CDH13: variants seen among roughly 807,000 people sequenced by gnomAD.
CDH13 encodes the protein cadherin 13, also known as cadherin-13.
Under a neutral mutation model 63.8 loss-of-function variants are expected in CDH13, and 24 were observed. The observed-to-expected ratio is 0.38, with a 90% CI of 0.27 to 0.53. The LOEUF (loss-of-function observed/expected upper bound fraction) is 0.53, where lower values mean the gene tolerates loss of function less well. Among genes scored for constraint, CDH13 ranks in the 20% least tolerant of loss-of-function variants. CDH13 has a pLI of 0.85. For synonymous variants in CDH13, 503 were observed against 355.3 expected, an observed-to-expected ratio of 1.42 and a Z score of -4.67; for missense variants, 1,049 against 903.1, an observed-to-expected ratio of 1.16 and a Z score of -2.07.
At chr16:83,615,866 A>C (rs950507934) in intron 8 of CDH13, among the ~76,000 whole-genome samples, 6 of 152,140 alleles carry the variant, frequency 3.9e-5, no homozygotes, top group African/African-American at 1.4e-4. Context: ...TTGCTGCAAA[A>C]CCGCCAACAC....
intron 2 of CDH13, among the ~76,000 whole-genome samples, chr16:82,999,622 G>A (rs1194362599): frequency 6.6e-6 from 1 of 152,108 alleles, no homozygotes; most frequent in African/African-American, 2.4e-5. Context: ...GCTGAAAATT[G>A]ATATCATTGG....
At chr16:83,261,639 C>T (rs960599074) in intron 5 of CDH13, among the ~76,000 whole-genome samples, 1 of 151,922 alleles carries the variant, frequency 6.6e-6, no homozygotes, top group East Asian at 1.9e-4. Flanking sequence ...ACAAATGTCA[C>T]TAGTGCCAAA....
chr16:82,680,690 A>G (rs1291916587), intron 1 of CDH13, among the ~76,000 whole-genome samples: 1 of 152,130 alleles, frequency 6.6e-6, no homozygotes, highest in Non-Finnish European at 1.5e-5. Context: ...TTAATAGACT[A>G]CTTACAAAAA....
intron 6 of CDH13, among the ~76,000 whole-genome samples, chr16:83,445,814 G>A (rs751310690): frequency 6.6e-5 from 10 of 152,012 alleles, no homozygotes; most frequent in Non-Finnish European, 1.3e-4. Flanking sequence ...AATATAACTC[G>A]GAGTTCCCAG....
At chr16:83,501,890 A>G (rs1396568776) in intron 7 of CDH13, among the ~76,000 whole-genome samples, 1 of 152,208 alleles carries the variant, frequency 6.6e-6, no homozygotes, top group Admixed American at 6.5e-5. Context: ...GGGGAGCTTG[A>G]TTGAGTTTCC....
At chr16:82,637,609 T>TC (rs902177620) in intron 1 of CDH13, 1 of 150,252 alleles carries the variant, frequency 6.7e-6, no homozygotes, top group African/African-American at 2.4e-5. Flanking sequence ...TTTTTTTTTT[T>TC]TGTATTTTTA....
At chr16:82,955,951 A>G (rs1388277944) in intron 2 of CDH13, among the ~76,000 whole-genome samples, 3 of 152,218 alleles carry the variant, frequency 2.0e-5, no homozygotes, top group Non-Finnish European at 4.4e-5. Context: ...AGTCTGTGTC[A>G]TCACTGACAT....
chr16:83,000,872 C>T (rs1409426201), intron 2 of CDH13, among the ~76,000 whole-genome samples: 1 of 152,306 alleles, frequency 6.6e-6, no homozygotes, highest in East Asian at 1.9e-4. Flanking sequence ...AGCCACCGCG[C>T]CTGGCCATTT....
intron 2 of CDH13, among the ~76,000 whole-genome samples, chr16:82,971,988 A>C (rs1574507): frequency 6.6e-6 from 1 of 152,110 alleles, no homozygotes; most frequent in East Asian, 1.9e-4. Flanking sequence ...AGGAAGTCCC[A>C]TTATTGCTGG....
intron 5 of CDH13, among the ~76,000 whole-genome samples, chr16:83,223,530 A>G (rs369094572): frequency 1.3e-5 from 2 of 152,176 alleles, no homozygotes; most frequent in East Asian, 3.9e-4. Context: ...TCTTCCTGCC[A>G]CTTTGCTCTG....
At chr16:83,429,857 A>G (rs1031678199) in intron 6 of CDH13, among the ~76,000 whole-genome samples, 17 of 152,206 alleles carry the variant, frequency 1.1e-4, no homozygotes, top group African/African-American at 4.1e-4. Context: ...TACACAAGCT[A>G]TCTGGAGCTT....
chr16:83,336,287 C>G (rs1220942788), intron 5 of CDH13, among the ~76,000 whole-genome samples: 4 of 120,352 alleles, frequency 3.3e-5, no homozygotes. Flanking sequence ...GGTGACAGAG[C>G]AAGACTCCAT....
intron 5 of CDH13, among the ~76,000 whole-genome samples, chr16:83,221,216 C>T (rs570655423): frequency 2.0e-5 from 3 of 152,194 alleles, no homozygotes; most frequent in South Asian, 2.1e-4. Context: ...CTCTGCTTAC[C>T]GGGGCTGGGA....
chr16:83,784,359 C>T (rs1396849888), intron 13 of CDH13, among the ~76,000 whole-genome samples: 2 of 152,002 alleles, frequency 1.3e-5, no homozygotes, highest in South Asian at 2.1e-4. Flanking sequence ...GGGCCAGGCA[C>T]GGTGGCTCAC....
chr16:83,236,991 A>G (rs2040163670), intron 5 of CDH13, among the ~76,000 whole-genome samples: 1 of 152,116 alleles, frequency 6.6e-6, no homozygotes, highest in South Asian at 2.1e-4. Context: ...AAAAAGAGGT[A>G]AGGGAGGCCA....
intron 6 of CDH13, among the ~76,000 whole-genome samples, chr16:83,408,307 T>C (rs1359928872): frequency 6.6e-6 from 1 of 152,138 alleles, no homozygotes; most frequent in Non-Finnish European, 1.5e-5. Context: ...CAGTCACGTG[T>C]CACTCAACAA....
At chr16:83,282,900 C>T (rs752836932) in intron 5 of CDH13, among the ~76,000 whole-genome samples, 2 of 152,114 alleles carry the variant, frequency 1.3e-5, no homozygotes, top group Non-Finnish European at 1.5e-5. Flanking sequence ...TAACATGTAA[C>T]CTCATCATGG....
At chr16:82,992,851 A>C (rs1911804943) in intron 2 of CDH13, among the ~76,000 whole-genome samples, 2 of 152,200 alleles carry the variant, frequency 1.3e-5, no homozygotes, top group African/African-American at 4.8e-5. Flanking sequence ...CTGAGATGAT[A>C]ATCAAATTAT....
Position 83,786,632 on chromosome 16 carries a change from G to A in CDH13, c.2134+3160G>A, listed in dbSNP as rs1022684656. 3.3e-5 allele frequency among the ~76,000 whole-genome samples: 5 copies of A among 151,794 alleles called. No homozygotes were observed. The East Asian group carries it at 5.8e-4, about 18-fold the overall frequency. ...AGACAGAGTCTCACTCTGTCGCCCA[G>A]GCTGAAGTACAGTGGCGTCATCTCA... On this transcript the variant is annotated intron_variant, in intron 13 of 13. Transcript: ENST00000567109.
Sources: allele counts gnomAD v4.1 joint callset (sites outside exome capture counted in the v4.1 genomes callset), GRCh38; gene constraint gnomAD v4.1.1; transcripts MANE v1.5; gene names NCBI Gene and HGNC (gene_info 2026-07-23, HGNC 2026-07-21).